The following KCNMA1 variants were observed in gnomAD, a reference collection of about 807,000 sequenced individuals.
KCNMA1 encodes potassium calcium-activated channel subfamily M alpha 1.
KCNMA1 carries 29 observed loss-of-function variants against 140.0 expected under a neutral mutation model. The observed-to-expected ratio is 0.21, with a 90% CI of 0.15 to 0.28. The LOEUF (loss-of-function observed/expected upper bound fraction) is 0.28, where lower values mean the gene tolerates loss of function less well. Ranked by LOEUF, KCNMA1 falls within the 10% of genes least tolerant of loss-of-function variation. The pLI, the probability that KCNMA1 is intolerant of heterozygous loss-of-function variation, is 1.00. For synonymous variants in KCNMA1, 612 were observed against 611.9 expected (o/e 1.00, Z 0.00); for missense variants, 880 against 1,602.2 (o/e 0.55, Z 7.70).
chr10:77,626,527 T>A lies in KCNMA1; in HGVS notation c.378+10738A>T, dbSNP rs145210477. Among the ~76,000 whole-genome samples, 65 of 152,278 alleles carry A rather than the reference T, an allele frequency of 4.3e-4. 1 individual carries two copies. The East Asian group carries it at 8.7e-3, about 20-fold the overall frequency. On this transcript the variant is annotated intron_variant, in intron 1 of 27. Transcript: ENST00000286628. ...TCTTTCCTCCAAGCCTTAGAACACT[T>A]ATCTCTGAGTTCTCCATTTGAATAA...
At chr10:77,061,304 A>T (rs1019959139) in intron 14 of KCNMA1, among the ~76,000 whole-genome samples, 2 of 152,222 alleles carry the variant, frequency 1.3e-5, no homozygotes, top group Non-Finnish European at 2.9e-5. Context: ...ATATATAAAG[A>T]ATTCTTAAAC....
At chr10:77,369,967 AGG>A (rs2094580191) in intron 2 of KCNMA1, among the ~76,000 whole-genome samples, 1 of 152,190 alleles carries the variant, frequency 6.6e-6, no homozygotes, top group Non-Finnish European at 1.5e-5. Flanking sequence ...ATGCAATCGA[AGG>A]TTTTCTATGT....
intron 2 of KCNMA1, among the ~76,000 whole-genome samples, chr10:77,332,574 A>G (rs1470385787): frequency 9.7e-6 from 1 of 103,460 alleles, no homozygotes; most frequent in East Asian, 2.6e-4. Flanking sequence ...ACTGGGTGGC[A>G]GAATGGACAG....
chr10:77,524,131 C>T (rs2054634814), intron 1 of KCNMA1, among the ~76,000 whole-genome samples: 1 of 152,120 alleles, frequency 6.6e-6, no homozygotes, highest in Admixed American at 6.6e-5. Flanking sequence ...AAATAAATGA[C>T]TAAACAATAT....
intron 5 of KCNMA1, among the ~76,000 whole-genome samples, chr10:77,125,492 C>T (rs2097712284): frequency 6.6e-6 from 1 of 152,226 alleles, no homozygotes. Context: ...CATACTCCCT[C>T]ACCTCCTTTG....
At chr10:77,112,521 C>A in intron 6 of KCNMA1, 79 bp from the exon 7 acceptor site, 1 of 1,004,198 alleles carries the variant, frequency 1.0e-6, no homozygotes, top group Non-Finnish European at 1.6e-6. Flanking sequence ...GGTAACAGCA[C>A]CCGCTTAGCA....
downstream of KCNMA1, chr10:76,872,681 C>T (rs2031583055): frequency 6.6e-6 from 1 of 152,198 alleles, no homozygotes; most frequent in African/African-American, 2.4e-5. Context: ...GGAAAACCCT[C>T]ATATTCCACA....
chr10:77,125,917 C>A (rs2097721887), intron 5 of KCNMA1, among the ~76,000 whole-genome samples: 1 of 152,120 alleles, frequency 6.6e-6, no homozygotes, highest in Non-Finnish European at 1.5e-5. Context: ...CTGCGGGGTC[C>A]CCTGAGAGAG....
At chr10:76,980,092 C>G (rs1019556017) in intron 19 of KCNMA1, 1 of 152,106 alleles carries the variant, frequency 6.6e-6, no homozygotes, top group Non-Finnish European at 1.5e-5. Context: ...GTATGGTGGG[C>G]CTTTCTGGTC....
chr10:77,389,955 T>A (rs1429892364), intron 2 of KCNMA1, among the ~76,000 whole-genome samples: 1 of 152,184 alleles, frequency 6.6e-6, no homozygotes, highest in Admixed American at 6.5e-5. Context: ...CTTGATGAAC[T>A]CTGCTTCACG....
Position 76,908,428 on chromosome 10 carries a change from C to T in KCNMA1, c.3147+1538G>A, listed in dbSNP as rs375298624. Among the ~76,000 whole-genome samples the T allele has an allele frequency of 1.5e-3, 225 of 152,272 alleles. 1 individual carries two copies. The highest frequency in any genetic ancestry group is 4.8e-3 in the African/African-American group (199 of 41,566). On this transcript the variant is annotated intron_variant, in intron 25 of 27. Coordinates refer to ENST00000286628, the MANE Select transcript of KCNMA1 (RefSeq NM_001161352.2). ...GAAGCCCAGTTAACCTTAATTCAGACGAATGTCATTTCACAGTCATTTTTA... is the reference window on the plus strand; with the variant it reads ...GAAGCCCAGTTAACCTTAATTCAGATGAATGTCATTTCACAGTCATTTTTA...
At chr10:77,636,640 G>A (rs2093770205) in intron 1 of KCNMA1, 2 of 1,535,900 alleles carry the variant, frequency 1.3e-6, no homozygotes, top group South Asian at 1.2e-5. Context: ...AGCCCCGTGG[G>A]CTACCCCCAA....
At chr10:77,502,505 A>G (rs542016030) in intron 1 of KCNMA1, among the ~76,000 whole-genome samples, 1 of 152,226 alleles carries the variant, frequency 6.6e-6, no homozygotes, top group East Asian at 1.9e-4. Context: ...TCCATCCTGG[A>G]TACTCTAGAG....
At position 76,887,069 on chromosome 10, in the gene KCNMA1, T is replaced by G; in HGVS notation, c.*197A>C. 6.6e-7 allele frequency: 1 copy of G among 1,507,986 alleles called. No individual in the cohort carries two copies. The highest frequency in any genetic ancestry group is 8.8e-7 in the Non-Finnish European group (1 of 1,132,476). 93.4% of individuals were successfully genotyped at this position (1,507,986 alleles called of 1,614,324 possible). A position where few individuals can be genotyped will look rare whatever the true frequency, so the allele number is the denominator to read the frequency against. ...AAATAACTTTTGGTCCGTCTGCTTA[T>G]TTGCTGTTGTGCTCAAGGGTTTTAT... On this transcript the variant is annotated 3_prime_UTR_variant, in exon 28 of 28. Transcript: ENST00000286628.
downstream of KCNMA1, among the ~76,000 whole-genome samples, chr10:76,880,796 C>T (rs1338133400): frequency 6.6e-6 from 1 of 152,180 alleles, no homozygotes; most frequent in Non-Finnish European, 1.5e-5. Flanking sequence ...AATCCAAATC[C>T]CTGACTTTAT....
At chr10:76,977,568 C>T (rs1233214133) in intron 19 of KCNMA1, 2 of 702,932 alleles carry the variant, frequency 2.8e-6, no homozygotes, top group Admixed American at 2.0e-5. Flanking sequence ...TTTGCTGACC[C>T]CTGCAGTAGT....
chr10:76,877,534 T>C (rs2032616206), downstream of KCNMA1: 1 of 427,804 alleles, frequency 2.3e-6, no homozygotes, highest in South Asian at 2.3e-5. Flanking sequence ...AGTATGTTCA[T>C]TTATAAATGA....
intron 1 of KCNMA1, among the ~76,000 whole-genome samples, chr10:77,629,732 T>G (rs2092964456): frequency 6.6e-6 from 1 of 152,184 alleles, no homozygotes; most frequent in Admixed American, 6.5e-5. Context: ...CTTAATTATT[T>G]TTCCCCCAGC....
At chr10:77,099,356 C>T (rs971035608) in intron 9 of KCNMA1, among the ~76,000 whole-genome samples, 4 of 152,172 alleles carry the variant, frequency 2.6e-5, no homozygotes, top group East Asian at 1.9e-4. Flanking sequence ...CCACACCCAA[C>T]GGTGTTGCCA....
Sources: allele counts gnomAD v4.1 joint callset (sites outside exome capture counted in the v4.1 genomes callset), GRCh38; gene constraint gnomAD v4.1.1; transcripts MANE v1.5; gene names NCBI Gene and HGNC (gene_info 2026-07-23, HGNC 2026-07-21).